The following FHOD3 variants were observed in gnomAD, a reference collection of about 807,000 sequenced individuals.
FHOD3 encodes the protein formin homology 2 domain containing 3, also known as FH1/FH2 domain-containing protein 3.
A neutral mutation model predicts 173.0 loss-of-function variants in FHOD3; 90 were observed. The observed-to-expected ratio is 0.52, with a 90% CI of 0.44 to 0.62. The LOEUF (loss-of-function observed/expected upper bound fraction) is 0.62. Ranked by LOEUF, FHOD3 falls within the 20% of genes least tolerant of loss-of-function variation. The pLI is 0.00. For synonymous variants in FHOD3, 828 were observed against 823.0 expected (o/e 1.01, Z -0.10); for missense variants, 1,945 against 2,034.7 (o/e 0.96, Z 0.85).
chr18:36,521,401 A>T (rs1261488787), intron 5 of FHOD3, among the ~76,000 whole-genome samples: 1 of 152,086 alleles, frequency 6.6e-6, no homozygotes, highest in Non-Finnish European at 1.5e-5. Flanking sequence ...CCATGTTTTT[A>T]TACCCCAGTC....
At position 36,677,070 on chromosome 18, in the gene FHOD3, G is replaced by A. The variant is rs185627451; in HGVS notation, c.1836-4366G>A. On this transcript the variant is annotated intron_variant, in intron 14 of 28. Coordinates refer to ENST00000590592, the MANE Select transcript of FHOD3 (RefSeq NM_001281740.3). ...GTCTAAAAAAACTTCCATATCTTGAGATCTCAATGTTGTAAAGTTTTGTCT... is the reference window on the plus strand; with the variant it reads ...GTCTAAAAAAACTTCCATATCTTGAAATCTCAATGTTGTAAAGTTTTGTCT... 2.0e-5 allele frequency among the ~76,000 whole-genome samples: 3 copies of A among 152,024 alleles called. No homozygotes were observed. In the East Asian group the frequency reaches 5.8e-4, roughly 29 times the overall value.
intron 24 of FHOD3, among the ~76,000 whole-genome samples, chr18:36,753,868 C>G (rs79582523): frequency 0.014 from 2,079 of 152,246 alleles, 48 homozygotes; most frequent in African/African-American, 0.048. Context: ...AATGTCTATT[C>G]AAATCCTTTG....
At chr18:36,756,125 C>T (rs779229319) in intron 25 of FHOD3, among the ~76,000 whole-genome samples, 8 of 152,152 alleles carry the variant, frequency 5.3e-5, no homozygotes, top group Non-Finnish European at 8.8e-5. Flanking sequence ...TGTGCCTTTA[C>T]GAAACATAAA....
intron 5 of FHOD3, among the ~76,000 whole-genome samples, chr18:36,535,555 A>G (rs748461853): frequency 1.8e-4 from 27 of 152,206 alleles, no homozygotes; most frequent in Non-Finnish European, 3.5e-4. Context: ...CTGAAGCCAG[A>G]AGCACTTTGG....
At chr18:36,437,665 C>CTT (rs1555704498) in intron 3 of FHOD3, among the ~76,000 whole-genome samples, 5 of 69,466 alleles carry the variant, frequency 7.2e-5, no homozygotes, top group Non-Finnish European at 1.4e-4. Flanking sequence ...TTCTTTCTTT[C>CTT]TTTTTTTTTT....
At chr18:36,454,636 A>T (rs1166575953) in intron 3 of FHOD3, among the ~76,000 whole-genome samples, 1 of 151,416 alleles carries the variant, frequency 6.6e-6, no homozygotes, top group African/African-American at 2.4e-5. Flanking sequence ...GTTTGTTTGG[A>T]TTCACTAGAA....
intron 3 of FHOD3, among the ~76,000 whole-genome samples, chr18:36,404,984 G>A (rs78937323): frequency 0.013 from 1,912 of 152,208 alleles, 37 homozygotes; most frequent in African/African-American, 0.044. Flanking sequence ...TGAGTCATTG[G>A]TGTCCTTTAA....
intron 10 of FHOD3, among the ~76,000 whole-genome samples, chr18:36,631,547 T>A (rs2034514845): frequency 6.6e-6 from 1 of 152,222 alleles, no homozygotes; most frequent in Non-Finnish European, 1.5e-5. Context: ...TACGGAACAC[T>A]TAATCATCTG....
At chr18:36,755,085 G>A (rs775956383) in intron 24 of FHOD3, 34 bp from the exon 25 acceptor site, 50 of 1,401,406 alleles carry the variant, frequency 3.6e-5, no homozygotes, top group South Asian at 1.7e-4. Flanking sequence ...TTCTTAAAAC[G>A]GAAGTCATTG....
At chr18:36,368,411 C>T (rs962382460) in intron 2 of FHOD3, among the ~76,000 whole-genome samples, 6 of 152,012 alleles carry the variant, frequency 3.9e-5, no homozygotes. Context: ...ATATTGGCAC[C>T]AGTAGAATGA....
chr18:36,576,407 C>G, intron 5 of FHOD3, 44 bp from the exon 6 acceptor site: 2 of 1,377,068 alleles, frequency 1.5e-6, no homozygotes, highest in South Asian at 1.2e-5. Flanking sequence ...GATTATATTT[C>G]TATATACATC....
intron 3 of FHOD3, among the ~76,000 whole-genome samples, chr18:36,464,382 G>T (rs994314652): frequency 2.6e-5 from 4 of 152,164 alleles, no homozygotes; most frequent in Non-Finnish European, 4.4e-5. Flanking sequence ...TGCTATTTGA[G>T]ATGTGCAGCG....
At chr18:36,361,263 G>C (rs1248794468) in intron 2 of FHOD3, among the ~76,000 whole-genome samples, 1 of 152,094 alleles carries the variant, frequency 6.6e-6, no homozygotes, top group South Asian at 2.1e-4. Context: ...AGCCATTAGG[G>C]GTGAGTTCAG....
chr18:36,324,141 C>G (rs184295143), intron 1 of FHOD3, among the ~76,000 whole-genome samples: 46 of 152,314 alleles, frequency 3.0e-4, no homozygotes, highest in African/African-American at 1.1e-3. Flanking sequence ...AAGATTTGTC[C>G]TTTCACTAAA....
chr18:36,618,666 A>G (rs141163866), intron 9 of FHOD3, among the ~76,000 whole-genome samples: 1 of 152,248 alleles, frequency 6.6e-6, no homozygotes, highest in East Asian at 1.9e-4. Context: ...GTACTAATTT[A>G]TTGAAAATGT....
At position 36,703,479 on chromosome 18, in the gene FHOD3, C is replaced by G. The variant is rs76650644; in HGVS notation, c.2237-5616C>G. On this transcript the variant is annotated intron_variant, in intron 17 of 28. Transcript: ENST00000590592. The stretch of plus-strand genomic sequence containing the variant: ...TCTCTGAACATGTTTCCTTATTTCT[C>G]ACATGGGGACATCAATCTTCACTTT... Among the ~76,000 whole-genome samples, 698 of 152,300 alleles carry G rather than the reference C, an allele frequency of 4.6e-3. 6 individuals are homozygous for G. Among genetic ancestry groups the G allele is most frequent in the African/African-American group, 0.015 (642 of 41,552 alleles).
chr18:36,527,484 G>A lies in FHOD3; in HGVS notation c.511+14941G>A, dbSNP rs375141497. Among the ~76,000 whole-genome samples the A allele has an allele frequency of 3.2e-3, 482 of 152,230 alleles. 5 individuals carry two copies. The highest frequency in any genetic ancestry group is 0.01 in the East Asian group (52 of 5,182). The stretch of plus-strand genomic sequence containing the variant: ...TTCTCTCTTCACTTTTTGTCTTTGC[G>A]GTTGTATGACCGGGCAGCAAGACAC... On this transcript the variant is annotated intron_variant, in intron 5 of 28. Coordinates refer to ENST00000590592, the MANE Select transcript of FHOD3 (RefSeq NM_001281740.3).
At chr18:36,568,590 C>G (rs911705044) in intron 5 of FHOD3, among the ~76,000 whole-genome samples, 1 of 151,826 alleles carries the variant, frequency 6.6e-6, no homozygotes, top group African/African-American at 2.4e-5. Flanking sequence ...AGGCCCCAGA[C>G]TGTCGACTTT....
At chr18:36,432,216 C>T (rs1008928199) in intron 3 of FHOD3, among the ~76,000 whole-genome samples, 8 of 152,160 alleles carry the variant, frequency 5.3e-5, no homozygotes, top group Admixed American at 2.6e-4. Flanking sequence ...TGTTGTTTTA[C>T]TCTGATCTGT....
Sources: gnomAD v4.1 joint callset for allele counts (sites outside exome capture counted in the v4.1 genomes callset) on GRCh38, gnomAD v4.1.1 for gene constraint, MANE v1.5 for transcripts, NCBI Gene and HGNC (gene_info 2026-07-23, HGNC 2026-07-21) for gene names.